The following ZNF536 variants were observed in gnomAD, a reference collection of about 807,000 sequenced individuals.
ZNF536 encodes zinc finger protein 536.
In ZNF536, 13 loss-of-function variants were observed where a neutral mutation model predicts 84.5. The observed-to-expected ratio is 0.15, with a 90% CI of 0.10 to 0.24. The LOEUF (loss-of-function observed/expected upper bound fraction) is 0.24. ZNF536 is among the 10% of genes least tolerant of loss of function. The probability of loss-of-function intolerance (pLI) is 1.00; values close to 1 mark genes in which losing one functional copy is unlikely to be tolerated. For missense variants in ZNF536, 1,536 were observed against 1,747.5 expected (o/e 0.88, Z 2.16); for synonymous variants, 811 against 742.5 (o/e 1.09, Z -1.50).
intron 2 of ZNF536, among the ~76,000 whole-genome samples, chr19:30,340,256 A>G (rs114344490): frequency 0.016 from 2,436 of 152,260 alleles, 71 homozygotes; most frequent in African/African-American, 0.055. Context: ...AAGAAGCCCA[A>G]ATCCAATGGT....
At chr19:30,509,593 C>G (rs1222897652) in intron 2 of ZNF536, among the ~76,000 whole-genome samples, 4 of 151,376 alleles carry the variant, frequency 2.6e-5, no homozygotes, top group African/African-American at 9.7e-5. Context: ...CATTATGGGA[C>G]ATATATAGAT....
chr19:30,235,702 A>G (rs867305385), intron 1 of ZNF536, among the ~76,000 whole-genome samples: 24 of 152,386 alleles, frequency 1.6e-4, no homozygotes, highest in South Asian at 1.0e-3. Flanking sequence ...ATTCCCGATT[A>G]AAATCTATTT....
At chr19:30,451,084 T>C (rs953772870) in intron 2 of ZNF536, among the ~76,000 whole-genome samples, 2 of 152,250 alleles carry the variant, frequency 1.3e-5, no homozygotes, top group African/African-American at 4.8e-5. Context: ...GCCCGTCCCC[T>C]GAGCTGAGAG....
At chr19:30,427,003 C>T (rs1426773982) in intron 1 of ZNF536, among the ~76,000 whole-genome samples, 1 of 152,146 alleles carries the variant, frequency 6.6e-6, no homozygotes, top group Non-Finnish European at 1.5e-5. Flanking sequence ...ATCCATCCAT[C>T]CAACATCCAT....
At chr19:30,517,787 A>C (rs987373245) in intron 2 of ZNF536, among the ~76,000 whole-genome samples, 1 of 152,136 alleles carries the variant, frequency 6.6e-6, no homozygotes, top group Non-Finnish European at 1.5e-5. Context: ...GTCTCAAAAA[A>C]ATAATAAATA....
At chr19:30,329,150 A>G (rs2047128995) in intron 2 of ZNF536, among the ~76,000 whole-genome samples, 2 of 152,238 alleles carry the variant, frequency 1.3e-5, no homozygotes, top group Admixed American at 6.5e-5. Context: ...CTCAGTAGAC[A>G]AACACCTGTC....
chr19:30,437,853 A>G (rs935338708), intron 1 of ZNF536, among the ~76,000 whole-genome samples: 6 of 152,172 alleles, frequency 3.9e-5, no homozygotes, highest in Non-Finnish European at 8.8e-5. Context: ...CCTTCCATCA[A>G]TCAGCCAGGG....
chr19:30,356,814 T>C (rs771374075), intron 3 of ZNF536, among the ~76,000 whole-genome samples: 5 of 152,252 alleles, frequency 3.3e-5, no homozygotes, highest in African/African-American at 7.2e-5. Flanking sequence ...GTAGATAGTA[T>C]GATTCATTCC....
rs550976625 is a variant in ZNF536, at chr19:30,651,721, G to A, written c.170-59036G>A. On this transcript the variant is annotated intron_variant, in intron 1 of 1. Coordinates refer to the ZNF536 transcript ENST00000592773. The stretch of plus-strand genomic sequence containing the variant: ...TGAAAATAAAGAATTGTTGGGTATC[G>A]TATGAGCCTGCTAAGTACAGCATTT... Among the ~76,000 whole-genome samples the A allele has an allele frequency of 2.6e-5, 4 of 152,222 alleles. No individual in the cohort carries two copies. In the East Asian group the frequency reaches 5.8e-4, roughly 22 times the overall value.
At chr19:30,298,171 C>A (rs1301677384) in intron 2 of ZNF536, among the ~76,000 whole-genome samples, 7 of 152,176 alleles carry the variant, frequency 4.6e-5, no homozygotes, top group Admixed American at 4.6e-4. Context: ...AGCCACCTCG[C>A]CTGGCCTCAT....
chr19:30,615,007 C>A, intron 1 of ZNF536, among the ~76,000 whole-genome samples: 1 of 107,164 alleles, frequency 9.3e-6, no homozygotes, highest in Non-Finnish European at 1.8e-5. Flanking sequence ...AGTGCAGTGG[C>A]GCGATCTCGA....
At chr19:30,617,929 TCTATTGCGTTTTATTCCACGGA>T (rs1352607276) in intron 1 of ZNF536, among the ~76,000 whole-genome samples, 3 of 152,202 alleles carry the variant, frequency 2.0e-5, no homozygotes, top group African/African-American at 7.2e-5. Flanking sequence ...CAAAATGTGG[TCTATTGCGTTTTATTCCACGGA>T]CAACAAAAAG....
chr19:30,345,009 A>ACAACAG (rs1250716879), intron 2 of ZNF536, among the ~76,000 whole-genome samples: 22 of 152,250 alleles, frequency 1.4e-4, no homozygotes, highest in Non-Finnish European at 2.6e-4. Flanking sequence ...TATAGCATCA[A>ACAACAG]CAACAGCAAC....
intron 1 of ZNF536, among the ~76,000 whole-genome samples, chr19:30,563,637 C>A (rs1417281466): frequency 6.6e-6 from 1 of 152,154 alleles, no homozygotes; most frequent in Non-Finnish European, 1.5e-5. Flanking sequence ...GGTTAAACAC[C>A]TGGATGTCAT....
intron 1 of ZNF536, among the ~76,000 whole-genome samples, chr19:30,693,030 G>C (rs1328640118): frequency 6.6e-6 from 1 of 151,402 alleles, no homozygotes; most frequent in Non-Finnish European, 1.5e-5. Flanking sequence ...GGGGGAGAGA[G>C]AGAGAGAGAG....
rs879736709 is a variant in ZNF536, at chr19:30,366,398, A to ATC, written c.-3+13915_-3+13916insCT. On this transcript the variant is annotated intron_variant, in intron 3 of 5. Transcript: ENST00000585628. ...TATCTATCTATCTATCTATCTATCTATATCTATCTCCTTCCTTCCTTCTTT... is the reference window on the plus strand; with the variant it reads ...TATCTATCTATCTATCTATCTATCTATCTATCTATCTCCTTCCTTCCTTCTTT... Among the ~76,000 whole-genome samples, 10 of 140,894 alleles carry ATC rather than the reference A, an allele frequency of 7.1e-5. 1 individual carries two copies. Among genetic ancestry groups the ATC allele is most frequent in the Admixed American group, 5.0e-4 (7 of 14,066 alleles). 92.4% of individuals were successfully genotyped at this position (140,894 alleles called of 152,430 possible).
At chr19:30,255,812 A>G (rs2024886911) in intron 1 of ZNF536, among the ~76,000 whole-genome samples, 1 of 152,330 alleles carries the variant, frequency 6.6e-6, no homozygotes, top group South Asian at 2.1e-4. Context: ...AGACCCCGTC[A>G]TGGGAGAATA....
chr19:30,560,568 C>G (rs1487659499), downstream of ZNF536, among the ~76,000 whole-genome samples: 1 of 152,162 alleles, frequency 6.6e-6, no homozygotes, highest in Non-Finnish European at 1.5e-5. Context: ...ACACCCTGGT[C>G]TGGATAAGAG....
chr19:30,548,041 G>C lies in ZNF536; in HGVS notation c.2422G>C (p.Gly808Arg). 6.2e-7 allele frequency: 1 copy of C among 1,613,998 alleles called. No homozygotes were observed. Among genetic ancestry groups the C allele is most frequent in the Non-Finnish European group, 8.5e-7 (1 of 1,179,986 alleles). ...GCGACACCATCGGGAGCGGCAGAAC[G>C]GGGCTGGGCCGCTGTCTGGGCAACC... ...LERHHRERQNGAGPLSGQPPN... is the reference protein window; with the variant it reads ...LERHHRERQNRAGPLSGQPPN... Residue 808 changes from glycine (G) to arginine (R), a missense_variant, in exon 4 of 5, where the codon GGG becomes CGG. Gly to Arg is a moderately radical substitution (Grantham distance 125, BLOSUM62 -2). Around this residue, in one of 8 missense-constraint regions of ZNF536, gnomAD observed 148 missense variants for 205.4 expected, o/e 0.72. Coordinates refer to ENST00000355537, the MANE Select transcript of ZNF536 (RefSeq NM_014717.3).
Sources: allele counts gnomAD v4.1 joint callset (sites outside exome capture counted in the v4.1 genomes callset), GRCh38; gene constraint gnomAD v4.1.1; regional missense constraint gnomAD v4.1.1; transcripts MANE v1.5; gene names NCBI Gene and HGNC (gene_info 2026-07-23, HGNC 2026-07-21).